The following SIK2 variants were observed in gnomAD, a reference collection of about 807,000 sequenced individuals.
SIK2 encodes the protein salt inducible kinase 2.
SIK2 carries 29 observed loss-of-function variants against 103.2 expected under a neutral mutation model. The observed-to-expected ratio is 0.28, with a 90% CI of 0.21 to 0.38. The LOEUF (loss-of-function observed/expected upper bound fraction) is 0.38, where lower values mean the gene tolerates loss of function less well. Among genes scored for constraint, SIK2 ranks in the 10% least tolerant of loss-of-function variants. The pLI, the probability that SIK2 is intolerant of heterozygous loss-of-function variation, is 1.00. For missense variants in SIK2, 879 were observed against 1,171.0 expected, an observed-to-expected ratio of 0.75 and a Z score of 3.64; for synonymous variants, 412 against 446.1, an observed-to-expected ratio of 0.92 and a Z score of 0.96.
At chr11:111,613,133 G>A (rs1439867989) in intron 1 of SIK2, among the ~76,000 whole-genome samples, 1 of 151,254 alleles carries the variant, frequency 6.6e-6, no homozygotes, top group Non-Finnish European at 1.5e-5. Flanking sequence ...TTTCATTGTT[G>A]AGGCCAACAT....
At chr11:111,686,316 C>T (rs1942845390) in intron 3 of SIK2, among the ~76,000 whole-genome samples, 1 of 152,114 alleles carries the variant, frequency 6.6e-6, no homozygotes, top group African/African-American at 2.4e-5. Context: ...TGGTGTGCAC[C>T]TGTAGTCCCA....
At position 111,694,461 on chromosome 11, in the gene SIK2, G is replaced by A. The variant is rs1463167876; in HGVS notation, c.478+6299G>A. Among the ~76,000 whole-genome samples the A allele has an allele frequency of 2.6e-5, 4 of 152,014 alleles. No individual in the cohort carries two copies. In the East Asian group the frequency reaches 7.7e-4, roughly 29 times the overall value. On this transcript the variant is annotated intron_variant, in intron 4 of 14. Transcript: ENST00000304987. ...TGCTTCCTTTCTGATTTGAGGCAGTGGCCCATCATTGCTTCTAGCAACCTT... is the reference window on the plus strand; with the variant it reads ...TGCTTCCTTTCTGATTTGAGGCAGTAGCCCATCATTGCTTCTAGCAACCTT...
chr11:111,682,289 A>G (rs1942787506), intron 3 of SIK2, among the ~76,000 whole-genome samples: 1 of 152,188 alleles, frequency 6.6e-6, no homozygotes, highest in South Asian at 2.1e-4. Context: ...CAAAGGACAA[A>G]TCCAGAATAT....
At chr11:111,698,176 C>T (rs1371549567) in intron 4 of SIK2, among the ~76,000 whole-genome samples, 1 of 152,164 alleles carries the variant, frequency 6.6e-6, no homozygotes, top group African/African-American at 2.4e-5. Context: ...ATAGAAATAA[C>T]TGCTTAGTAC....
At chr11:111,647,444 A>G (rs1942271417) in intron 3 of SIK2, among the ~76,000 whole-genome samples, 1 of 151,930 alleles carries the variant, frequency 6.6e-6, no homozygotes, top group African/African-American at 2.4e-5. Context: ...CAACATGGCG[A>G]AATCCCACAT....
chr11:111,677,936 A>C (rs1214777212), intron 3 of SIK2, among the ~76,000 whole-genome samples: 1 of 152,212 alleles, frequency 6.6e-6, no homozygotes, highest in Non-Finnish European at 1.5e-5. Context: ...TTACAAATGT[A>C]AATTAGATCA....
At chr11:111,698,603 G>A (rs1943135145) in intron 4 of SIK2, among the ~76,000 whole-genome samples, 1 of 152,204 alleles carries the variant, frequency 6.6e-6, no homozygotes, top group Non-Finnish European at 1.5e-5. Context: ...TTAGCCTGGT[G>A]TGGTGGAGCA....
At chr11:111,649,576 A>G (rs1175675605) in intron 3 of SIK2, among the ~76,000 whole-genome samples, 1 of 152,108 alleles carries the variant, frequency 6.6e-6, no homozygotes, top group Non-Finnish European at 1.5e-5. Context: ...TACATTATCT[A>G]CTTGGGGCTA....
At chr11:111,691,308 G>T (rs941801433) in intron 4 of SIK2, among the ~76,000 whole-genome samples, 2 of 152,198 alleles carry the variant, frequency 1.3e-5, no homozygotes, top group Non-Finnish European at 2.9e-5. Context: ...GGTGAAGACA[G>T]TGTGATGACT....
intron 3 of SIK2, among the ~76,000 whole-genome samples, chr11:111,627,427 T>A (rs926274255): frequency 2.0e-5 from 3 of 152,184 alleles, no homozygotes. Flanking sequence ...GTTGTTAACC[T>A]CTTACTGTGC....
At position 111,705,191 on chromosome 11, in the gene SIK2, TTTG is replaced by T; in HGVS notation, c.1101+53_1101+55del. The stretch of plus-strand genomic sequence containing the variant: ...ATCTGTGCATGTGCCTGTTCACATG[TTTG>T]ATACATTTTTCATCTTATACACAGG... On this transcript the variant is annotated intron_variant, in intron 8 of 14. Coordinates refer to ENST00000304987, the MANE Select transcript of SIK2 (RefSeq NM_015191.3). The surrounding 1 kb of genome is among the most constrained non-coding windows in gnomAD (Gnocchi z 4.3). 12 of 1,459,524 alleles carry T rather than the reference TTTG, an allele frequency of 8.2e-6. No homozygotes were observed. The highest frequency in any genetic ancestry group is 9.0e-6 in the Non-Finnish European group (10 of 1,109,730). The allele number at this position is 1,459,524 out of a possible 1,614,324, so 90.4% of individuals were successfully genotyped here.
chr11:111,629,210 T>A (rs1430778832), intron 3 of SIK2, among the ~76,000 whole-genome samples: 2 of 152,236 alleles, frequency 1.3e-5, no homozygotes, highest in Non-Finnish European at 2.9e-5. Flanking sequence ...GAGCACTATC[T>A]TTTTGTTGGG....
intron 3 of SIK2, among the ~76,000 whole-genome samples, chr11:111,665,164 A>C (rs377645147): frequency 1.3e-5 from 2 of 152,054 alleles, no homozygotes; most frequent in East Asian, 3.8e-4. Context: ...AGTGTAGACC[A>C]GGGATGGGAT....
At chr11:111,721,740 T>C in intron 12 of SIK2, 90 bp from the exon 13 acceptor site, 1 of 926,704 alleles carries the variant, frequency 1.1e-6, no homozygotes. Flanking sequence ...TTGGTATTCC[T>C]ATTGGACATT....
intron 3 of SIK2, chr11:111,671,619 C>A (rs75911779): frequency 0.014 from 4,846 of 345,430 alleles, 219 homozygotes; most frequent in African/African-American, 0.095. Context: ...TGATGCTGTC[C>A]ATGTCCAGGG....
In SIK2 at chr11:111,711,971, TC is replaced by T. The variant is rs764332824; in HGVS notation, c.1102-236del. ...TCGTCACCTGCGTGAAAGTCAAGCA[TC>T]CCCTCATGAGGCAGAAATGAAATTC... On this transcript the variant is annotated intron_variant, in intron 8 of 14. Transcript: ENST00000304987. Among the ~76,000 whole-genome samples, 2 of 152,328 alleles carry T rather than the reference TC, an allele frequency of 1.3e-5. 1 individual carries two copies. Among genetic ancestry groups the T allele is most frequent in the Middle Eastern group, 6.8e-3 (2 of 294 alleles).
intron 3 of SIK2, among the ~76,000 whole-genome samples, chr11:111,678,905 A>G (rs1942742331): frequency 6.6e-6 from 1 of 152,202 alleles, no homozygotes; most frequent in African/African-American, 2.4e-5. Flanking sequence ...TCTCCCAGCA[A>G]AAACAAAATT....
chr11:111,621,895 A>G (rs1249392196), intron 3 of SIK2, among the ~76,000 whole-genome samples: 1 of 152,042 alleles, frequency 6.6e-6, no homozygotes, highest in Non-Finnish European at 1.5e-5. Flanking sequence ...CCTGGGCAAC[A>G]GAGTGAGATT....
intron 3 of SIK2, among the ~76,000 whole-genome samples, chr11:111,684,047 A>G (rs1191274621): frequency 6.6e-6 from 1 of 152,218 alleles, no homozygotes; most frequent in Non-Finnish European, 1.5e-5. Flanking sequence ...CCACTTCTCT[A>G]AATAGTTTGT....
Sources: allele counts gnomAD v4.1 joint callset (sites outside exome capture counted in the v4.1 genomes callset), GRCh38; gene constraint gnomAD v4.1.1; non-coding constraint Gnocchi (gnomAD v3.1); transcripts MANE v1.5; gene names NCBI Gene and HGNC (gene_info 2026-07-23, HGNC 2026-07-21).